CNTN5: variants seen among roughly 807,000 people sequenced by gnomAD.
The protein encoded by CNTN5 is contactin 5, also known as contactin-5.
A neutral mutation model predicts 129.1 loss-of-function variants in CNTN5; 77 were observed. The observed-to-expected ratio is 0.60, with a 90% CI of 0.50 to 0.72. The LOEUF (loss-of-function observed/expected upper bound fraction) is 0.72. CNTN5 is among the 30% of genes least tolerant of loss of function. The pLI, the probability that CNTN5 is intolerant of heterozygous loss-of-function variation, is 0.00. For synonymous variants in CNTN5, 509 were observed against 465.6 expected, an observed-to-expected ratio of 1.09 and a Z score of -1.20; for missense variants, 1,478 against 1,328.8, an observed-to-expected ratio of 1.11 and a Z score of -1.75.
chr11:99,859,432 G>A (rs190320538), intron 6 of CNTN5, among the ~76,000 whole-genome samples: 141 of 152,230 alleles, frequency 9.3e-4, no homozygotes, highest in African/African-American at 3.3e-3. Context: ...TGATGCTGAG[G>A]TTTGGGTTAC....
Position 100,088,025 on chromosome 11 carries a change from A to C in CNTN5, c.1580+13731A>C, listed in dbSNP as rs560092849. Among the ~76,000 whole-genome samples, 16 of 146,588 alleles carry C rather than the reference A, an allele frequency of 1.1e-4. No individual in the cohort carries two copies. In the East Asian group the frequency reaches 2.7e-3, roughly 25 times the overall value. On this transcript the variant is annotated intron_variant, in intron 13 of 24. Transcript: ENST00000524871. Reference sequence around the variant, plus strand: ...TGAATGACTTTTGAGTAAAACAATAAAATTAAGGCAGAAATAAAAAAAAAA... The same window carrying C: ...TGAATGACTTTTGAGTAAAACAATACAATTAAGGCAGAAATAAAAAAAAAA...
At chr11:99,976,482 T>C (rs1169668899) in intron 8 of CNTN5, among the ~76,000 whole-genome samples, 1 of 152,180 alleles carries the variant, frequency 6.6e-6, no homozygotes, top group Non-Finnish European at 1.5e-5. Flanking sequence ...GACATCTGCT[T>C]GGACTTCCAG....
intron 2 of CNTN5, among the ~76,000 whole-genome samples, chr11:99,338,920 A>AT (rs1866366397): frequency 6.0e-4 from 2 of 3,306 alleles, no homozygotes; most frequent in Non-Finnish European, 9.3e-4. Flanking sequence ...TCATTCACAG[A>AT]TATATATATA....
intron 15 of CNTN5, among the ~76,000 whole-genome samples, chr11:100,204,073 A>T (rs1046991389): frequency 2.0e-5 from 3 of 151,178 alleles, no homozygotes; most frequent in African/African-American, 2.4e-5. Flanking sequence ...CGCCACCAGG[A>T]TCTATGCTGC....
intron 1 of CNTN5, among the ~76,000 whole-genome samples, chr11:99,266,305 G>A (rs1654856862): frequency 6.6e-6 from 1 of 152,068 alleles, no homozygotes; most frequent in African/African-American, 2.4e-5. Context: ...ATGATTTCAA[G>A]TATAGAGGAC....
At chr11:100,312,437 C>T (rs1951489059) in intron 21 of CNTN5, among the ~76,000 whole-genome samples, 1 of 152,022 alleles carries the variant, frequency 6.6e-6, no homozygotes, top group Non-Finnish European at 1.5e-5. Flanking sequence ...CTGCTCTCCT[C>T]TTCTCCCCAC....
intron 9 of CNTN5, among the ~76,000 whole-genome samples, chr11:100,056,231 AAGTTAT>A (rs1380595897): frequency 1.3e-5 from 2 of 151,770 alleles, no homozygotes; most frequent in African/African-American, 4.8e-5. Context: ...GTTCAATATG[AAGTTAT>A]GTGCTGTTCT....
At chr11:99,898,278 G>T (rs950505313) in intron 6 of CNTN5, among the ~76,000 whole-genome samples, 1 of 151,892 alleles carries the variant, frequency 6.6e-6, no homozygotes, top group Non-Finnish European at 1.5e-5. Flanking sequence ...ATAAAAGGTT[G>T]GTTCTTTGAA....
At chr11:99,723,112 T>C (rs1943226784) in intron 3 of CNTN5, among the ~76,000 whole-genome samples, 1 of 152,120 alleles carries the variant, frequency 6.6e-6, no homozygotes, top group Admixed American at 6.6e-5. Context: ...TTGTTATTTC[T>C]ATGCTCATAC....
chr11:100,027,240 A>C (rs1376018538), intron 9 of CNTN5, among the ~76,000 whole-genome samples: 1 of 152,164 alleles, frequency 6.6e-6, no homozygotes, highest in Non-Finnish European at 1.5e-5. Flanking sequence ...TAGATGTCAG[A>C]AATTTGAATT....
intron 1 of CNTN5, among the ~76,000 whole-genome samples, chr11:99,139,678 CCCT>C (rs1361483837): frequency 6.6e-6 from 1 of 151,978 alleles, no homozygotes; most frequent in Non-Finnish European, 1.5e-5. Context: ...ATTAAATATT[CCCT>C]CAAGTACCTT....
intron 13 of CNTN5, among the ~76,000 whole-genome samples, chr11:100,089,651 C>A (rs576379987): frequency 6.6e-6 from 1 of 152,114 alleles, no homozygotes; most frequent in African/African-American, 2.4e-5. Flanking sequence ...AAACCAAATG[C>A]CCTTCATTGA....
intron 13 of CNTN5, among the ~76,000 whole-genome samples, chr11:100,154,085 C>T (rs1947153606): frequency 6.6e-6 from 1 of 152,008 alleles, no homozygotes; most frequent in African/African-American, 2.4e-5. Context: ...AGGTATTTCT[C>T]CTAATGCTAT....
At chr11:99,923,821 C>A (rs1217878969) in intron 7 of CNTN5, among the ~76,000 whole-genome samples, 4 of 141,372 alleles carry the variant, frequency 2.8e-5, no homozygotes, top group Non-Finnish European at 6.2e-5. Flanking sequence ...CAGAGTCTTG[C>A]TCTGTTGCCA....
intron 1 of CNTN5, among the ~76,000 whole-genome samples, chr11:99,043,807 A>G (rs1864101499): frequency 3.9e-5 from 6 of 152,240 alleles, no homozygotes; most frequent in Admixed American, 2.6e-4. Flanking sequence ...TTAACTAAAT[A>G]TCTCAGAATC....
chr11:99,157,606 G>A (rs1380631902), intron 1 of CNTN5, among the ~76,000 whole-genome samples: 1 of 151,954 alleles, frequency 6.6e-6, no homozygotes, highest in African/African-American at 2.4e-5. Flanking sequence ...ACCTATACTG[G>A]AAATTGGGAT....
At chr11:99,572,091 A>G (rs1398652018) in intron 3 of CNTN5, among the ~76,000 whole-genome samples, 1 of 152,200 alleles carries the variant, frequency 6.6e-6, no homozygotes, top group African/African-American at 2.4e-5. Context: ...AATACTACAT[A>G]CAACCACTAT....
chr11:99,802,474 G>C (rs1454753938), intron 3 of CNTN5, among the ~76,000 whole-genome samples: 1 of 152,182 alleles, frequency 6.6e-6, no homozygotes, highest in Non-Finnish European at 1.5e-5. Context: ...AAACCACTGG[G>C]TGGCCACCAA....
intron 1 of CNTN5, among the ~76,000 whole-genome samples, chr11:99,135,821 G>A (rs58206290): frequency 0.016 from 2,452 of 152,086 alleles, 53 homozygotes; most frequent in African/African-American, 0.055. Context: ...ATCTGTGTCC[G>A]TGATTACCAA....
Sources: gnomAD v4.1 joint callset for allele counts (sites outside exome capture counted in the v4.1 genomes callset) on GRCh38, gnomAD v4.1.1 for gene constraint, MANE v1.5 for transcripts, NCBI Gene and HGNC (gene_info 2026-07-23, HGNC 2026-07-21) for gene names.